The following BPI variants were observed in gnomAD, a reference collection of about 807,000 sequenced individuals.
BPI encodes the protein bactericidal permeability increasing protein.
Under a neutral mutation model 57.6 loss-of-function variants are expected in BPI, and 48 were observed. That is an observed-to-expected ratio of 0.83 (90% confidence interval 0.66 to 1.06). The LOEUF (loss-of-function observed/expected upper bound fraction) is 1.06. Among genes scored for constraint, BPI ranks in the 50% least tolerant of loss-of-function variants. The pLI is 0.00. For missense variants in BPI, 651 were observed against 609.7 expected (o/e 1.07, Z -0.71); for synonymous variants, 237 against 238.2 (o/e 0.99, Z 0.05).
chr20:38,321,301 G>T (rs2076684497), intron 7 of BPI, among the ~76,000 whole-genome samples: 1 of 151,888 alleles, frequency 6.6e-6, no homozygotes, highest in African/African-American at 2.4e-5. Flanking sequence ...ATGGATGGAT[G>T]GATGGATAGA....
chr20:38,321,094 T>G (rs868400251), intron 7 of BPI, among the ~76,000 whole-genome samples: 1 of 50,166 alleles, frequency 2.0e-5, no homozygotes, highest in African/African-American at 8.5e-5. Context: ...GATGGGAGGG[T>G]GGGTAGATGA....
Position 38,326,321 on chromosome 20 carries a change from G to T in BPI, c.1050G>T (p.Pro350=). The change falls in exon 10 of 15, where the codon CCG becomes CCT. Residue 350 remains proline, a synonymous_variant. Transcript: ENST00000642449. ...AGATCCATGTCTCAGCCTCCACCCC[G>T]CCACACCTGTCTGTGCAGCCCACCG... The part of the protein sequence containing the change: ...KIQIHVSAST[P]PHLSVQPTGL... The T allele has an allele frequency of 1.1e-5, 18 of 1,613,916 alleles. No individual in the cohort carries two copies. The highest frequency in any genetic ancestry group is 1.5e-5 in the Non-Finnish European group (18 of 1,179,926).
At chr20:38,326,188 G>C in intron 9 of BPI, 77 bp from the exon 10 acceptor site, 2 of 1,435,572 alleles carry the variant, frequency 1.4e-6, no homozygotes, top group South Asian at 2.7e-5. Context: ...TTTAAGTAGG[G>C]GCAGGCCAAG....
In BPI at chr20:38,329,180, G is replaced by A. The variant is rs533791174; in HGVS notation, c.1229+1525G>A. Reference sequence around the variant, plus strand: ...AGAGATGTAGAAAAGGAAAGGTAGAGAAAGAGGGAGACACTCAGAGAAACA... The same window carrying A: ...AGAGATGTAGAAAAGGAAAGGTAGAAAAAGAGGGAGACACTCAGAGAAACA... On this transcript the variant is annotated intron_variant, in intron 11 of 14. Coordinates refer to ENST00000642449, the MANE Select transcript of BPI (RefSeq NM_001725.3). Among the ~76,000 whole-genome samples the A allele has an allele frequency of 1.1e-4, 16 of 152,228 alleles. No homozygotes were observed. In the South Asian group the frequency reaches 2.7e-3, roughly 26 times the overall value.
In BPI at chr20:38,318,540, G is replaced by T. The variant is rs556078586; in HGVS notation, c.664+64G>T. On this transcript the variant is annotated intron_variant, in intron 6 of 14. Coordinates refer to ENST00000642449, the MANE Select transcript of BPI (RefSeq NM_001725.3). ...AAATGGGAGGGGGTGAGGACGTCAG[G>T]GTGGATGTGATGGGGCCGGCAAGTT... is the stretch of plus-strand genomic sequence containing the variant. 2.3e-5 allele frequency: 36 copies of T among 1,564,868 alleles called. 1 individual carries two copies. The South Asian group carries it at 4.0e-4, about 17-fold the overall frequency.
chr20:38,317,788 A>G (rs1044150548), intron 5 of BPI: 13 of 1,440,508 alleles, frequency 9.0e-6, no homozygotes, highest in Non-Finnish European at 1.2e-5. Context: ...GTCTAGATAA[A>G]TGGAACAACT....
chr20:38,305,228 C>G (rs6069668), intron 1 of BPI, among the ~76,000 whole-genome samples: 51,710 of 151,854 alleles, frequency 0.34, 10,210 homozygotes, highest in Non-Finnish European at 0.44. Context: ...CAGGACATCA[C>G]TGAATCCTAG....
At chr20:38,328,834 C>CAA (rs11302517) in intron 11 of BPI, among the ~76,000 whole-genome samples, 1 of 141,372 alleles carries the variant, frequency 7.1e-6, no homozygotes. Context: ...TCGTCTCTAC[C>CAA]AAAAAAAAAA....
At position 38,323,364 on chromosome 20, in the gene BPI, C is replaced by A. The variant is rs1019018502; in HGVS notation, c.757-506C>A. On this transcript the variant is annotated intron_variant, in intron 7 of 14. Coordinates refer to ENST00000642449, the MANE Select transcript of BPI (RefSeq NM_001725.3). Reference sequence around the variant, plus strand: ...GAACAACCTTAACAGCTTATGAGTGCTCTCACCAAACACTGGGTAGCATCA... The same window carrying A: ...GAACAACCTTAACAGCTTATGAGTGATCTCACCAAACACTGGGTAGCATCA... Among the ~76,000 whole-genome samples the A allele has an allele frequency of 3.9e-5, 6 of 152,344 alleles. No homozygotes were observed. In the South Asian group the frequency reaches 1.2e-3, roughly 32 times the overall value.
At chr20:38,314,015 T>C (rs2076635415) in intron 5 of BPI, among the ~76,000 whole-genome samples, 1 of 151,690 alleles carries the variant, frequency 6.6e-6, no homozygotes, top group African/African-American at 2.4e-5. Flanking sequence ...GTGATAGTAA[T>C]GGTGGAGATG....
At chr20:38,315,114 A>T (rs949578429) in intron 5 of BPI, among the ~76,000 whole-genome samples, 1 of 152,086 alleles carries the variant, frequency 6.6e-6, no homozygotes, top group Non-Finnish European at 1.5e-5. Context: ...CCAGCATTTA[A>T]TCCACACATT....
chr20:38,333,376 A>G (rs1203367934), intron 12 of BPI, among the ~76,000 whole-genome samples: 1 of 152,270 alleles, frequency 6.6e-6, no homozygotes, highest in Non-Finnish European at 1.5e-5. Context: ...CAAATTGTAA[A>G]TGTCACAACT....
Position 38,334,418 on chromosome 20 carries a change from T to C in BPI, c.1273-12T>C, listed in dbSNP as rs1236504896. On this transcript the variant is annotated splice_polypyrimidine_tract_variant and intron_variant, in intron 12 of 14. Transcript: ENST00000642449. ...TGCAGGGCCATCCTCCCATCCTCCC[T>C]CTGATTTCCAGGTTGAATTGCTGCA... 1.2e-6 allele frequency: 2 copies of C among 1,612,942 alleles called. No individual in the cohort carries two copies. The highest frequency in any genetic ancestry group is 2.2e-5 in the East Asian group (1 of 44,886).
In BPI at chr20:38,304,259, G is replaced by GT; in HGVS notation, c.37dup (p.Ser13PhefsTer51). 1 of 1,614,164 alleles carries GT rather than the reference G, an allele frequency of 6.2e-7. No individual in the cohort carries two copies. The highest frequency in any genetic ancestry group is 8.5e-7 in the Non-Finnish European group (1 of 1,180,024). Reference sequence around the variant, plus strand: ...GCCCTTGCAACGCGCCGAGATGGGCGTCCCTGATGGTGCTGGTCGCCATAG... The same window carrying GT: ...GCCCTTGCAACGCGCCGAGATGGGCGTTCCCTGATGGTGCTGGTCGCCATAG... On this transcript the variant is annotated frameshift_variant, in exon 1 of 15. Coordinates refer to ENST00000642449, the MANE Select transcript of BPI (RefSeq NM_001725.3). LOFTEE classifies it high-confidence loss of function.
At chr20:38,329,512 C>G (rs2076731835) in intron 11 of BPI, among the ~76,000 whole-genome samples, 1 of 152,172 alleles carries the variant, frequency 6.6e-6, no homozygotes, top group African/African-American at 2.4e-5. Flanking sequence ...AGTAAAGGAG[C>G]TGGAGAGGAT....
intron 14 of BPI, among the ~76,000 whole-genome samples, chr20:38,336,606 T>C (rs1208285163): frequency 6.6e-6 from 1 of 152,002 alleles, no homozygotes; most frequent in Non-Finnish European, 1.5e-5. Flanking sequence ...TTTCCCCCAA[T>C]GTCCAGGCCA....
intron 13 of BPI, among the ~76,000 whole-genome samples, chr20:38,335,050 A>G (rs2076760508): frequency 6.6e-6 from 1 of 152,176 alleles, no homozygotes; most frequent in Non-Finnish European, 1.5e-5. Flanking sequence ...CAATTAATCC[A>G]ACAAATTATC....
rs754733746 is a variant in BPI, at chr20:38,304,322, G to C, written c.99G>C (p.Val33=). 3 of 1,614,018 alleles carry C rather than the reference G, an allele frequency of 1.9e-6. No individual in the cohort carries two copies. In the Admixed American group the frequency reaches 5.0e-5, roughly 27 times the overall value. The stretch of plus-strand genomic sequence containing the variant: ...CAGCGGCCGTCAACCCTGGCGTCGT[G>C]GTCAGGATCTCCCAGAAGGGCCTGG... ...AVTAAVNPGV[V]VRISQKGLDY... Residue 33 remains valine, a synonymous_variant, in exon 1 of 15, where the codon GTG becomes GTC. Coordinates refer to ENST00000642449, the MANE Select transcript of BPI (RefSeq NM_001725.3).
chr20:38,312,984 G>A (rs1194618714), intron 5 of BPI, among the ~76,000 whole-genome samples: 1 of 152,196 alleles, frequency 6.6e-6, no homozygotes, highest in Non-Finnish European at 1.5e-5. Flanking sequence ...AAAGTCTCAG[G>A]GTAGGGTCTC....
Sources: allele counts gnomAD v4.1 joint callset (sites outside exome capture counted in the v4.1 genomes callset), GRCh38; gene constraint gnomAD v4.1.1; transcripts MANE v1.5; gene names NCBI Gene and HGNC (gene_info 2026-07-23, HGNC 2026-07-21).